The following NAT1 variants were observed in gnomAD, a reference collection of about 807,000 sequenced individuals.
The protein encoded by NAT1 is N-acetyltransferase 1.
For missense variants in NAT1, 400 were observed against 339.2 expected, an observed-to-expected ratio of 1.18 and a Z score of -1.41; for synonymous variants, 144 against 122.6, an observed-to-expected ratio of 1.17 and a Z score of -1.16.
intron 2 of NAT1, among the ~76,000 whole-genome samples, chr8:18,189,793 T>C (rs189390537): frequency 9.2e-5 from 14 of 152,104 alleles, no homozygotes; most frequent in Non-Finnish European, 1.6e-4. Context: ...GTATTGACAT[T>C]TGATTATTAT....
chr8:18,216,736 A>G, intron 1 of NAT1: 2 of 571,390 alleles, frequency 3.5e-6, no homozygotes, highest in East Asian at 2.9e-5. Flanking sequence ...TTGGGAGAAG[A>G]TAAAAGCAAA....
chr8:18,205,237 G>A (rs1803658336), upstream of NAT1, among the ~76,000 whole-genome samples: 1 of 152,212 alleles, frequency 6.6e-6, no homozygotes, highest in Non-Finnish European at 1.5e-5. Context: ...AGGTGCCAGA[G>A]TGCCTGCCTC....
At chr8:18,189,657 T>C (rs1802899624) in intron 2 of NAT1, among the ~76,000 whole-genome samples, 1 of 152,210 alleles carries the variant, frequency 6.6e-6, no homozygotes, top group African/African-American at 2.4e-5. Context: ...TGTGGTTGTT[T>C]CTTGCCTTTT....
intron 2 of NAT1, among the ~76,000 whole-genome samples, chr8:18,185,213 C>G (rs1179338399): frequency 6.6e-6 from 1 of 152,014 alleles, no homozygotes; most frequent in Non-Finnish European, 1.5e-5. Context: ...TTTTTCTATT[C>G]TCTTGAAAAG....
At chr8:18,193,014 AAACAAC>A (rs537232287) in intron 2 of NAT1, among the ~76,000 whole-genome samples, 1 of 151,428 alleles carries the variant, frequency 6.6e-6, no homozygotes, top group Admixed American at 6.6e-5. Context: ...AAAATAAAAT[AAACAAC>A]AACAACAACA....
intron 2 of NAT1, among the ~76,000 whole-genome samples, chr8:18,196,786 A>G (rs1589079941): frequency 6.6e-6 from 1 of 152,350 alleles, no homozygotes; most frequent in East Asian, 1.9e-4. Context: ...AGAAAGAGGA[A>G]GGTTATTAAA....
intron 2 of NAT1, among the ~76,000 whole-genome samples, chr8:18,203,645 T>A (rs1011104486): frequency 2.0e-5 from 3 of 152,222 alleles, no homozygotes; most frequent in African/African-American, 7.2e-5. Context: ...ACAGACATTA[T>A]CCTCACAGCT....
At chr8:18,200,392 G>C (rs1803411999) in intron 2 of NAT1, among the ~76,000 whole-genome samples, 1 of 152,126 alleles carries the variant, frequency 6.6e-6, no homozygotes, top group Middle Eastern at 3.2e-3. Context: ...CAGCAACATG[G>C]CTAGAGCTGG....
chr8:18,201,759 G>C (rs1402592141), intron 2 of NAT1, among the ~76,000 whole-genome samples: 1 of 152,088 alleles, frequency 6.6e-6, no homozygotes, highest in Non-Finnish European at 1.5e-5. Flanking sequence ...CCTCTTTTTG[G>C]GGACCTAGGA....
intron 1 of NAT1, among the ~76,000 whole-genome samples, chr8:18,212,056 C>A (rs1589106612): frequency 6.6e-6 from 1 of 152,052 alleles, no homozygotes; most frequent in Non-Finnish European, 1.5e-5. Context: ...TTGTTTATAA[C>A]TTTTTTAAGA....
chr8:18,217,440 G>C (rs1239021629), intron 1 of NAT1, among the ~76,000 whole-genome samples: 1 of 152,230 alleles, frequency 6.6e-6, no homozygotes, highest in African/African-American at 2.4e-5. Flanking sequence ...GGAGGAAGAT[G>C]CTGTGCCTGG....
chr8:18,200,092 G>C (rs1005365334), intron 2 of NAT1, among the ~76,000 whole-genome samples: 2 of 152,176 alleles, frequency 1.3e-5, no homozygotes, highest in African/African-American at 4.8e-5. Flanking sequence ...CACTGCTGGT[G>C]GGAATGTAAG....
chr8:18,178,312 G>C (rs1449459865), intron 2 of NAT1, among the ~76,000 whole-genome samples: 3 of 152,118 alleles, frequency 2.0e-5, no homozygotes, highest in Non-Finnish European at 4.4e-5. Flanking sequence ...GGTCAAGCTG[G>C]TCTTCAGAAT....
At chr8:18,220,988 G>A (rs887855178) in intron 2 of NAT1, among the ~76,000 whole-genome samples, 2 of 152,168 alleles carry the variant, frequency 1.3e-5, no homozygotes, top group African/African-American at 2.4e-5. Context: ...CACTTTGATT[G>A]TGGCAAACAT....
chr8:18,193,206 T>C (rs1803086407), intron 2 of NAT1, among the ~76,000 whole-genome samples: 1 of 148,894 alleles, frequency 6.7e-6, no homozygotes. Flanking sequence ...GCCACTCAAG[T>C]AGGTAGCACC....
chr8:18,179,380 T>C (rs1465510648), intron 2 of NAT1, among the ~76,000 whole-genome samples: 1 of 152,212 alleles, frequency 6.6e-6, no homozygotes, highest in East Asian at 1.9e-4. Context: ...ATTGAAATTT[T>C]GGAGCATTTT....
At chr8:18,200,798 T>G (rs555347423) in intron 2 of NAT1, 1 of 152,162 alleles carries the variant, frequency 6.6e-6, no homozygotes, top group African/African-American at 2.4e-5. Flanking sequence ...GGAGGAAGGA[T>G]GGGATCCAGC....
At chr8:18,180,190 G>T (rs1036756913) in intron 2 of NAT1, among the ~76,000 whole-genome samples, 2 of 152,172 alleles carry the variant, frequency 1.3e-5, no homozygotes, top group African/African-American at 4.8e-5. Context: ...GACCAAGCCT[G>T]GGTGGGCTTG....
intron 2 of NAT1, among the ~76,000 whole-genome samples, chr8:18,188,919 C>T (rs761016726): frequency 5.9e-5 from 8 of 135,928 alleles, no homozygotes; most frequent in South Asian, 2.3e-4. Flanking sequence ...CACTTGAACC[C>T]GAGAGGTGGA....
Sources: gnomAD v4.1 joint callset for allele counts (sites outside exome capture counted in the v4.1 genomes callset) on GRCh38, gnomAD v4.1.1 for gene constraint, MANE v1.5 for transcripts, NCBI Gene and HGNC (gene_info 2026-07-23, HGNC 2026-07-21) for gene names.